The following PDSS2 variants were observed in gnomAD, a reference collection of about 807,000 sequenced individuals.
PDSS2 encodes the protein all trans-polyprenyl-diphosphate synthase PDSS2.
Under a neutral mutation model 44.5 loss-of-function variants are expected in PDSS2, and 31 were observed. The observed-to-expected ratio is 0.70, with a 90% CI of 0.52 to 0.94. The LOEUF is 0.94. Ranked by LOEUF, PDSS2 falls within the 40% of genes least tolerant of loss-of-function variation. The pLI is 0.00. For missense variants in PDSS2, 452 were observed against 482.2 expected, an observed-to-expected ratio of 0.94 and a Z score of 0.59; for synonymous variants, 157 against 180.3, an observed-to-expected ratio of 0.87 and a Z score of 1.03.
At chr6:107,277,743 A>C (rs757339288) in intron 2 of PDSS2, among the ~76,000 whole-genome samples, 68 of 152,268 alleles carry the variant, frequency 4.5e-4, no homozygotes, top group Middle Eastern at 3.4e-3. Context: ...ACCTGAGGTA[A>C]GGAGTTCGAA....
chr6:107,372,177 G>A (rs570481900), intron 1 of PDSS2, among the ~76,000 whole-genome samples: 1 of 152,174 alleles, frequency 6.6e-6, no homozygotes, highest in African/African-American at 2.4e-5. Context: ...CCAAACTGTG[G>A]GCTGGAAGCA....
At chr6:107,407,008 T>TG (rs1421972466) in intron 1 of PDSS2, among the ~76,000 whole-genome samples, 1 of 152,130 alleles carries the variant, frequency 6.6e-6, no homozygotes, top group Non-Finnish European at 1.5e-5. Flanking sequence ...AGCCACTGAC[T>TG]GGGGGTTGGG....
At chr6:107,350,387 AAAAAC>A (rs67664129) in intron 1 of PDSS2, among the ~76,000 whole-genome samples, 40,830 of 152,032 alleles carry the variant, frequency 0.27, 7,076 homozygotes, top group Middle Eastern at 0.5. Flanking sequence ...TTAGCTCAAT[AAAAAC>A]AAAACAAATC....
chr6:107,378,614 G>A (rs957355650), intron 1 of PDSS2, among the ~76,000 whole-genome samples: 1 of 151,950 alleles, frequency 6.6e-6, no homozygotes, highest in African/African-American at 2.4e-5. Context: ...AATGAAATCC[G>A]TTCTTTACTA....
At chr6:107,265,333 T>C (rs1362708578) in intron 3 of PDSS2, among the ~76,000 whole-genome samples, 1 of 152,046 alleles carries the variant, frequency 6.6e-6, no homozygotes, top group Admixed American at 6.6e-5. Flanking sequence ...ACACATCATA[T>C]AGAAATTCAG....
intron 7 of PDSS2, among the ~76,000 whole-genome samples, chr6:107,158,506 C>T (rs1326319292): frequency 2.0e-5 from 3 of 152,004 alleles, no homozygotes; most frequent in Non-Finnish European, 4.4e-5. Flanking sequence ...TTTCTAATGC[C>T]TTGTCCAGTG....
At chr6:107,190,901 T>C (rs972122239) in intron 7 of PDSS2, among the ~76,000 whole-genome samples, 1 of 135,556 alleles carries the variant, frequency 7.4e-6, no homozygotes, top group Non-Finnish European at 1.5e-5. Flanking sequence ...AATGAAGGGG[T>C]TTTTTTTTGA....
chr6:107,292,874 T>C (rs2115028398), intron 2 of PDSS2, among the ~76,000 whole-genome samples: 1 of 152,256 alleles, frequency 6.6e-6, no homozygotes, highest in Non-Finnish European at 1.5e-5. Context: ...TAGGCATCCT[T>C]ATCTAGGTTT....
chr6:107,200,039 A>G (rs1234192411), intron 6 of PDSS2, among the ~76,000 whole-genome samples: 2 of 152,204 alleles, frequency 1.3e-5, no homozygotes, highest in Admixed American at 1.3e-4. Context: ...ACAGAGAAGA[A>G]TTAGTGTAAT....
At chr6:107,244,582 C>T (rs1458751922) in intron 4 of PDSS2, among the ~76,000 whole-genome samples, 8 of 152,190 alleles carry the variant, frequency 5.3e-5, no homozygotes, top group Admixed American at 3.3e-4. Flanking sequence ...TTGAACCAAA[C>T]GTTGGCAGAT....
chr6:107,278,130 T>C (rs900403165), intron 2 of PDSS2, among the ~76,000 whole-genome samples: 7 of 152,086 alleles, frequency 4.6e-5, no homozygotes, highest in Non-Finnish European at 1.0e-4. Context: ...GAAAATCTCA[T>C]GTCTAATTGA....
chr6:107,378,938 T>C (rs1212485102), intron 1 of PDSS2, among the ~76,000 whole-genome samples: 1 of 152,192 alleles, frequency 6.6e-6, no homozygotes, highest in Non-Finnish European at 1.5e-5. Flanking sequence ...ATCGCCATGA[T>C]TTAGCTCTGC....
intron 1 of PDSS2, among the ~76,000 whole-genome samples, chr6:107,417,835 T>C (rs1780711791): frequency 6.6e-6 from 1 of 151,388 alleles, no homozygotes; most frequent in South Asian, 2.1e-4. Context: ...CTATCACAGC[T>C]TGATCAATAA....
chr6:107,322,989 C>G (rs1777430033), intron 2 of PDSS2, among the ~76,000 whole-genome samples: 1 of 152,210 alleles, frequency 6.6e-6, no homozygotes, highest in Admixed American at 6.5e-5. Context: ...ACACCACCCA[C>G]TTTCAGGAGT....
At chr6:107,393,476 G>C (rs1779847890) in intron 1 of PDSS2, among the ~76,000 whole-genome samples, 2 of 152,086 alleles carry the variant, frequency 1.3e-5, no homozygotes, top group African/African-American at 4.8e-5. Flanking sequence ...TGTTTACTCT[G>C]TACTTGTTTG....
chr6:107,284,437 G>C (rs1302280693), intron 2 of PDSS2, among the ~76,000 whole-genome samples: 29 of 152,050 alleles, frequency 1.9e-4, no homozygotes, highest in Admixed American at 1.9e-3. Context: ...AACACAGGCG[G>C]ATCACCTGAA....
chr6:107,286,203 G>A (rs1370159366), intron 2 of PDSS2, among the ~76,000 whole-genome samples: 1 of 148,890 alleles, frequency 6.7e-6, no homozygotes, highest in Non-Finnish European at 1.5e-5. Flanking sequence ...AAACAAAAAA[G>A]TTTAATACTA....
At chr6:107,176,429 TACACACACAC>T (rs71012784) in intron 7 of PDSS2, among the ~76,000 whole-genome samples, 4,733 of 149,716 alleles carry the variant, frequency 0.032, 263 homozygotes, top group African/African-American at 0.11. Flanking sequence ...CACACACACA[TACACACACAC>T]ACACACACAC....
chr6:107,437,351 C>T (rs899746013), intron 1 of PDSS2, among the ~76,000 whole-genome samples: 1 of 151,956 alleles, frequency 6.6e-6, no homozygotes, highest in Non-Finnish European at 1.5e-5. Context: ...ATGGCGAAAC[C>T]CTGTCTTTAC....
Sources: allele counts gnomAD v4.1 joint callset (sites outside exome capture counted in the v4.1 genomes callset), GRCh38; gene constraint gnomAD v4.1.1; transcripts MANE v1.5; gene names NCBI Gene and HGNC (gene_info 2026-07-23, HGNC 2026-07-21).